The following ESRRB variants were observed in gnomAD, a reference collection of about 807,000 sequenced individuals.
The protein encoded by ESRRB is estrogen related receptor beta, also known as steroid hormone receptor ERR2.
In ESRRB, 16 loss-of-function variants were observed where a neutral mutation model predicts 46.0. The ratio of observed to expected loss-of-function variants is 0.35; its 90% confidence interval spans 0.24 to 0.53. The LOEUF is 0.53. Ranked by LOEUF, ESRRB falls within the 20% of genes least tolerant of loss-of-function variation. The pLI is 0.93. For missense variants in ESRRB, 488 were observed against 607.4 expected (o/e 0.80, Z 2.07); for synonymous variants, 246 against 259.6 (o/e 0.95, Z 0.50).
chr14:76,316,276 G>A (rs913796330), intron 1 of ESRRB, among the ~76,000 whole-genome samples: 9 of 152,200 alleles, frequency 5.9e-5, no homozygotes, highest in African/African-American at 2.2e-4. Flanking sequence ...GATGCGGCCA[G>A]GCAATGCTCT....
intron 1 of ESRRB, among the ~76,000 whole-genome samples, chr14:76,358,718 C>T (rs1884428515): frequency 6.6e-6 from 1 of 152,206 alleles, no homozygotes; most frequent in Admixed American, 6.5e-5. Flanking sequence ...ATAGATTTCC[C>T]TTCTAAAATG....
intron 2 of ESRRB, among the ~76,000 whole-genome samples, chr14:76,455,700 A>G (rs982182078): frequency 2.6e-5 from 4 of 152,046 alleles, no homozygotes; most frequent in Admixed American, 2.0e-4. Context: ...CCATCCTCCA[A>G]CCTTCACATT....
At chr14:76,408,469 G>A (rs1886288860) in intron 1 of ESRRB, among the ~76,000 whole-genome samples, 1 of 151,742 alleles carries the variant, frequency 6.6e-6, no homozygotes, top group South Asian at 2.1e-4. Context: ...CATGCCTGTG[G>A]TCCCAGCTCC....
chr14:76,434,528 C>A (rs1472889351), intron 1 of ESRRB, among the ~76,000 whole-genome samples: 4 of 151,796 alleles, frequency 2.6e-5, no homozygotes, highest in South Asian at 4.2e-4. Context: ...GGCGTGGAGT[C>A]ACGCGCCTGT....
At chr14:76,385,224 A>C (rs1390074704) in intron 1 of ESRRB, among the ~76,000 whole-genome samples, 1 of 151,620 alleles carries the variant, frequency 6.6e-6, no homozygotes, top group Non-Finnish European at 1.5e-5. Context: ...AAAAAAAAAA[A>C]AAAACAACCA....
chr14:76,488,908 T>G (rs977116952), intron 5 of ESRRB, among the ~76,000 whole-genome samples: 2 of 152,208 alleles, frequency 1.3e-5, no homozygotes, highest in African/African-American at 4.8e-5. Flanking sequence ...GGTGTGTGTC[T>G]TCCCCTTCAC....
intron 1 of ESRRB, among the ~76,000 whole-genome samples, chr14:76,328,480 C>T (rs1230505914): frequency 1.3e-5 from 2 of 152,304 alleles, no homozygotes; most frequent in African/African-American, 4.8e-5. Flanking sequence ...TAAAAATGTG[C>T]ATATGTGCCT....
intron 1 of ESRRB, among the ~76,000 whole-genome samples, chr14:76,332,799 A>T (rs1450622549): frequency 2.6e-4 from 2 of 7,720 alleles, no homozygotes; most frequent in African/African-American, 3.5e-4. Context: ...TAAATATATA[A>T]TATATTTATA....
chr14:76,404,779 G>A (rs1165738951), intron 1 of ESRRB, among the ~76,000 whole-genome samples: 1 of 152,018 alleles, frequency 6.6e-6, no homozygotes, highest in Non-Finnish European at 1.5e-5. Context: ...TGTTTTTTTG[G>A]CCACTGAGGT....
chr14:76,481,505 C>T (rs1362445595), intron 3 of ESRRB, among the ~76,000 whole-genome samples: 1 of 152,198 alleles, frequency 6.6e-6, no homozygotes, highest in African/African-American at 2.4e-5. Flanking sequence ...TAAAGACAGA[C>T]TCTAGAGCTT....
At position 76,482,449 on chromosome 14, in the gene ESRRB, T is replaced by C. The variant is rs1205364179; in HGVS notation, c.689-149T>C. 11 of 761,432 alleles carry C rather than the reference T, an allele frequency of 1.4e-5. No homozygotes were observed. The highest frequency in any genetic ancestry group is 1.2e-4 in the South Asian group (7 of 58,448). 47.2% of individuals were successfully genotyped at this position (761,432 alleles called of 1,614,324 possible). ...CAGATCACCACTACCAGCAACTTCA[T>C]GGAGCCAGAACAGGAGGGGAGATTA... is the stretch of plus-strand genomic sequence containing the variant. On this transcript the variant is annotated intron_variant, in intron 4 of 6. Transcript: ENST00000644823. This position sits in a 1 kb window ranked among gnomAD's most constrained non-coding sequence, Gnocchi z 4.3.
upstream of ESRRB, among the ~76,000 whole-genome samples, chr14:76,375,167 A>G (rs572683496): frequency 6.8e-6 from 1 of 148,028 alleles, no homozygotes; most frequent in Non-Finnish European, 1.5e-5. Flanking sequence ...CCCCCTCCCC[A>G]CACTCATTTG....
chr14:76,384,990 G>C (rs1287281278), intron 1 of ESRRB, among the ~76,000 whole-genome samples: 2 of 152,086 alleles, frequency 1.3e-5, no homozygotes, highest in African/African-American at 4.8e-5. Flanking sequence ...GCGACTCCCA[G>C]ACCTGAAGCC....
In ESRRB at chr14:76,498,346, C is replaced by G. The variant is rs1392165302; in HGVS notation, c.1253C>G (p.Pro418Arg). The change falls in exon 7 of 7, where the codon CCG becomes CGG. Residue 418 changes from proline to arginine, a missense_variant. Pro to Arg is a moderately radical substitution (Grantham distance 103, BLOSUM62 -2). Coordinates refer to ENST00000644823, the MANE Select transcript of ESRRB (RefSeq NM_001379180.1). ...WRTGKLLLTL[P>R]LLRQTAAKAV... ...ACGGGCAAGCTGCTGCTGACACTGC[C>G]GCTGCTGCGGCAGACGGCCGCCAAG... 6.2e-7 allele frequency: 1 copy of G among 1,611,216 alleles called. No individual in the cohort carries two copies. Among genetic ancestry groups the G allele is most frequent in the South Asian group, 1.1e-5 (1 of 91,028 alleles).
At chr14:76,351,496 A>C (rs1884312723) in intron 1 of ESRRB, among the ~76,000 whole-genome samples, 1 of 152,212 alleles carries the variant, frequency 6.6e-6, no homozygotes, top group African/African-American at 2.4e-5. Flanking sequence ...CACTGGTTGC[A>C]TTGGGTTAGG....
At chr14:76,396,801 C>G (rs1257057572) in intron 1 of ESRRB, among the ~76,000 whole-genome samples, 2 of 152,202 alleles carry the variant, frequency 1.3e-5, no homozygotes, top group Non-Finnish European at 2.9e-5. Flanking sequence ...CCGGAGCCAG[C>G]GCTGGCGGTA....
intron 1 of ESRRB, among the ~76,000 whole-genome samples, chr14:76,355,616 C>G (rs34281030): frequency 0.22 from 33,732 of 152,122 alleles, 4,421 homozygotes; most frequent in East Asian, 0.45. Flanking sequence ...CTGGGTCCCC[C>G]TCACTGGACA....
intron 1 of ESRRB, among the ~76,000 whole-genome samples, chr14:76,358,311 CAAAAAAA>C (rs1191247686): frequency 8.7e-5 from 2 of 23,114 alleles, no homozygotes; most frequent in African/African-American, 2.8e-4. Context: ...GACTCTGTCT[CAAAAAAA>C]AAAAAAAAGA....
chr14:76,462,392 G>A (rs981776144), intron 2 of ESRRB, among the ~76,000 whole-genome samples, 153 bp from the exon 3 acceptor site: 1 of 152,170 alleles, frequency 6.6e-6, no homozygotes, highest in Admixed American at 6.5e-5. Context: ...AGTTCAAAAT[G>A]TTCTGACAAG....
Sources: gnomAD v4.1 joint callset for allele counts (sites outside exome capture counted in the v4.1 genomes callset) on GRCh38, gnomAD v4.1.1 for gene constraint, Gnocchi (gnomAD v3.1) non-coding constraint, MANE v1.5 for transcripts, NCBI Gene and HGNC (gene_info 2026-07-23, HGNC 2026-07-21) for gene names.